Variants in ZNF385B observed in about 807,000 individuals in gnomAD.
ZNF385B encodes the protein zinc finger protein 533.
ZNF385B carries 23 observed loss-of-function variants against 39.2 expected under a neutral mutation model. That is an observed-to-expected ratio of 0.59 (90% confidence interval 0.42 to 0.83). The LOEUF is 0.83. Ranked by LOEUF, ZNF385B falls within the 40% of genes least tolerant of loss-of-function variation. The pLI is 0.00. For missense variants in ZNF385B, 552 were observed against 598.9 expected (o/e 0.92, Z 0.82); for synonymous variants, 205 against 222.6 (o/e 0.92, Z 0.70).
intron 5 of ZNF385B, among the ~76,000 whole-genome samples, chr2:179,488,391 G>A (rs919948877): frequency 1.3e-5 from 2 of 152,126 alleles, no homozygotes; most frequent in African/African-American, 4.8e-5. Context: ...TGATCCGCCC[G>A]CCTCGGTCTC....
chr2:179,443,058 T>A lies in ZNF385B; in HGVS notation c.*192A>T, dbSNP rs1391961430. ...AAGCCTATGCTGCTGATTCCTCAAT[T>A]ATAGGAGCAGTCTCTAAAAGCCCTC... On this transcript the variant is annotated 3_prime_UTR_variant, in exon 10 of 10. Coordinates refer to ENST00000410066, the MANE Select transcript of ZNF385B (RefSeq NM_152520.6). The A allele has an allele frequency of 4.4e-6, 3 of 679,904 alleles. No individual in the cohort carries two copies. Among genetic ancestry groups the A allele is most frequent in the Admixed American group, 2.2e-5 (1 of 45,216 alleles). 42.1% of individuals were successfully genotyped at this position (679,904 alleles called of 1,614,324 possible). A position where few individuals can be genotyped will look rare whatever the true frequency, so the allele number is the denominator to read the frequency against.
chr2:179,782,432 G>T (rs1435963003), intron 1 of ZNF385B, among the ~76,000 whole-genome samples: 1 of 152,076 alleles, frequency 6.6e-6, no homozygotes, highest in Non-Finnish European at 1.5e-5. Flanking sequence ...ACAAGACAAG[G>T]ATGCCCTCTC....
At chr2:179,821,575 G>T (rs1002627832) in intron 1 of ZNF385B, among the ~76,000 whole-genome samples, 2 of 152,070 alleles carry the variant, frequency 1.3e-5, no homozygotes, top group Non-Finnish European at 2.9e-5. Flanking sequence ...CAGTTTCCCA[G>T]GAGATTCTTC....
At chr2:179,782,880 T>G (rs1486617472) in intron 1 of ZNF385B, among the ~76,000 whole-genome samples, 3 of 152,146 alleles carry the variant, frequency 2.0e-5, no homozygotes, top group African/African-American at 7.2e-5. Flanking sequence ...ATAGGAAGAA[T>G]CAGTATCATT....
At chr2:179,659,060 A>G (rs1287083752) in intron 3 of ZNF385B, among the ~76,000 whole-genome samples, 1 of 152,226 alleles carries the variant, frequency 6.6e-6, no homozygotes, top group African/African-American at 2.4e-5. Context: ...TGCAGGCGCG[A>G]GCCACCATGC....
intron 3 of ZNF385B, among the ~76,000 whole-genome samples, chr2:179,641,519 T>G (rs527764225): frequency 1.3e-5 from 2 of 152,250 alleles, no homozygotes; most frequent in South Asian, 4.1e-4. Flanking sequence ...TGTAGGACTT[T>G]TCTTGAAGCA....
At chr2:179,482,397 G>A (rs540185861) in intron 6 of ZNF385B, among the ~76,000 whole-genome samples, 8 of 152,352 alleles carry the variant, frequency 5.3e-5, no homozygotes, top group African/African-American at 1.9e-4. Flanking sequence ...AACAGACACT[G>A]TTCCTCAAAG....
intron 3 of ZNF385B, among the ~76,000 whole-genome samples, chr2:179,752,340 G>T (rs1390634952): frequency 6.6e-6 from 1 of 152,122 alleles, no homozygotes; most frequent in Non-Finnish European, 1.5e-5. Context: ...ATCATTGATG[G>T]ACATTTGGGT....
At chr2:179,746,492 A>G (rs1392831839) in intron 3 of ZNF385B, among the ~76,000 whole-genome samples, 1 of 152,184 alleles carries the variant, frequency 6.6e-6, no homozygotes, top group Admixed American at 6.6e-5. Context: ...AATAATGGTG[A>G]TAGTTAAAAA....
intron 5 of ZNF385B, among the ~76,000 whole-genome samples, chr2:179,504,916 T>C (rs1481185691): frequency 6.6e-6 from 1 of 151,936 alleles, no homozygotes; most frequent in Admixed American, 6.5e-5. Context: ...TCCCCCATGA[T>C]GCAATCACCT....
intron 7 of ZNF385B, among the ~76,000 whole-genome samples, chr2:179,446,225 C>T (rs1469906859): frequency 2.0e-5 from 3 of 152,054 alleles, no homozygotes; most frequent in Non-Finnish European, 4.4e-5. Flanking sequence ...AAGTGTATTG[C>T]AGTGAACACT....
intron 1 of ZNF385B, among the ~76,000 whole-genome samples, chr2:179,852,289 G>A (rs1684239700): frequency 6.6e-6 from 1 of 152,196 alleles, no homozygotes. Flanking sequence ...GCAGCCTGCA[G>A]ACTTGCAAGG....
intron 1 of ZNF385B, among the ~76,000 whole-genome samples, chr2:179,844,366 C>A (rs1325182175): frequency 2.0e-5 from 3 of 152,182 alleles, no homozygotes; most frequent in Admixed American, 6.5e-5. Context: ...ACAGTCATAT[C>A]CTGTCAGTCA....
chr2:179,444,949 C>T lies in ZNF385B; in HGVS notation c.1169G>A (p.Arg390Gln), dbSNP rs776282714. Residue 390 changes from arginine to glutamine, a missense_variant, in exon 9 of 10, where the codon CGA (arginine) becomes CAA (glutamine). Arg to Gln is a conservative substitution (Grantham distance 43, BLOSUM62 1). Transcript: ENST00000410066. ...QHISSRRHKD[R>Q]VAGKPLKPKY... ...TGGCTTCAGTGGTTTCCCTGCAACT[C>T]GATCTTTATGCCTTCGGCTAGAAAT... The T allele has an allele frequency of 6.8e-6, 11 of 1,613,982 alleles. No homozygotes were observed. The highest frequency in any genetic ancestry group is 3.3e-5 in the Admixed American group (2 of 60,002).
chr2:179,505,056 C>T (rs1481875569), intron 5 of ZNF385B, among the ~76,000 whole-genome samples: 1 of 152,032 alleles, frequency 6.6e-6, no homozygotes, highest in African/African-American at 2.4e-5. Context: ...ACTTTAGGAA[C>T]AGCCAACAGA....
chr2:179,639,930 C>CT (rs1692114338), intron 3 of ZNF385B, among the ~76,000 whole-genome samples: 2 of 152,288 alleles, frequency 1.3e-5, no homozygotes, highest in East Asian at 1.9e-4. Flanking sequence ...CTTACATACT[C>CT]TGAGAATGAC....
At chr2:179,580,103 T>C (rs761406990) in intron 3 of ZNF385B, among the ~76,000 whole-genome samples, 5 of 152,180 alleles carry the variant, frequency 3.3e-5, no homozygotes, top group African/African-American at 1.2e-4. Flanking sequence ...TTCAATTTTC[T>C]AATATATAAA....
rs573474922 is a variant in ZNF385B, at chr2:179,472,185, T to G, written c.715+11087A>C. Among the ~76,000 whole-genome samples, 8 of 152,328 alleles carry G rather than the reference T, an allele frequency of 5.3e-5. No homozygotes were observed. In the East Asian group the frequency reaches 5.8e-4, roughly 11 times the overall value. ...CAATTTAAAAATACTGTAAGTGATA[T>G]AAGCAGGACAGCTGCTAATGATTTT... is the stretch of plus-strand genomic sequence containing the variant. On this transcript the variant is annotated intron_variant, in intron 6 of 9. Transcript: ENST00000410066.
intron 1 of ZNF385B, among the ~76,000 whole-genome samples, chr2:179,828,204 A>G (rs1481099783): frequency 6.6e-6 from 1 of 152,182 alleles, no homozygotes; most frequent in African/African-American, 2.4e-5. Context: ...ACATATGCCT[A>G]TGGAATTGCT....
Sources: allele counts gnomAD v4.1 joint callset (sites outside exome capture counted in the v4.1 genomes callset), GRCh38; gene constraint gnomAD v4.1.1; transcripts MANE v1.5; gene names NCBI Gene and HGNC (gene_info 2026-07-23, HGNC 2026-07-21).